Variants in CD47 observed in about 807,000 individuals in gnomAD.
The protein encoded by CD47 is leukocyte surface antigen CD47.
Under a neutral mutation model 44.6 loss-of-function variants are expected in CD47, and 11 were observed. The ratio of observed to expected loss-of-function variants is 0.25; its 90% CI spans 0.16 to 0.41. The LOEUF (loss-of-function observed/expected upper bound fraction) is 0.41, where lower values mean the gene tolerates loss of function less well. CD47 is among the 10% of genes least tolerant of loss of function. CD47 has a pLI of 1.00. For missense variants in CD47, 306 were observed against 386.7 expected (o/e 0.79, Z 1.75); for synonymous variants, 140 against 136.3 (o/e 1.03, Z -0.19).
chr3:108,064,705 T>C (rs571194861), intron 3 of CD47, among the ~76,000 whole-genome samples: 11 of 152,254 alleles, frequency 7.2e-5, no homozygotes, highest in Non-Finnish European at 1.2e-4. Flanking sequence ...TTTGGAGTGA[T>C]TGGTAAGTAA....
At chr3:108,078,073 T>C (rs915048962) in intron 2 of CD47, among the ~76,000 whole-genome samples, 4 of 152,008 alleles carry the variant, frequency 2.6e-5, no homozygotes, top group Admixed American at 2.6e-4. Flanking sequence ...TCATATTGTG[T>C]CACATAAGAG....
intron 3 of CD47, among the ~76,000 whole-genome samples, chr3:108,062,505 A>G (rs2079031582): frequency 6.6e-6 from 1 of 152,218 alleles, no homozygotes; most frequent in Admixed American, 6.5e-5. Context: ...AAACATTCAT[A>G]AGAAACTCTT....
intron 3 of CD47, among the ~76,000 whole-genome samples, chr3:108,062,170 T>A (rs116318844): frequency 6.6e-6 from 1 of 152,160 alleles, no homozygotes; most frequent in Non-Finnish European, 1.5e-5. Context: ...TCAGAAAACA[T>A]CCTATGGCAA....
At chr3:108,072,217 T>C (rs1329989352) in intron 2 of CD47, among the ~76,000 whole-genome samples, 2 of 152,220 alleles carry the variant, frequency 1.3e-5, no homozygotes, top group Non-Finnish European at 2.9e-5. Flanking sequence ...GGCTGTGTGA[T>C]TGGAAGAGTT....
chr3:108,048,410 A>G, intron 10 of CD47, among the ~76,000 whole-genome samples: 1 of 99,890 alleles, frequency 1.0e-5, no homozygotes. Context: ...CTTGAGACGG[A>G]GTCTTGCTCT....
At position 108,080,144 on chromosome 3, in the gene CD47, T is replaced by C; in HGVS notation, c.247A>G (p.Ser83Gly). The change falls in exon 2 of 11, where the codon AGT (serine) becomes GGT (glycine). Residue 83 changes from serine to glycine, a missense_variant. Physicochemically the swap from Ser to Gly is moderately conservative, Grantham distance 56 (BLOSUM62 0). Coordinates refer to ENST00000361309, the MANE Select transcript of CD47 (RefSeq NM_001777.4). ...AATTGTGAGACTTCAATTTTTGCAC[T>C]ACTAAAGTCAGTGGGGACAGTGGAC... ...NKSTVPTDFS[S>G]AKIEVSQLLK... 6.2e-7 allele frequency: 1 copy of C among 1,613,096 alleles called. No individual in the cohort carries two copies.
chr3:108,049,730 A>G lies in CD47; in HGVS notation c.935-79T>C, dbSNP rs143758748. 1.4e-3 allele frequency: 1,326 copies of G among 945,120 alleles called. 16 individuals are homozygous for G. The African/African-American group carries it at 0.019, about 14-fold the overall frequency. 58.5% of individuals were successfully genotyped at this position (945,120 alleles called of 1,614,324 possible). A position where few individuals can be genotyped will look rare whatever the true frequency, so the allele number is the denominator to read the frequency against. Reference sequence around the variant, plus strand: ...TCATTTCTAAATAAACAAATATGCAATGATATGCTAACTAGTCTACAACTC... The same window carrying G: ...TCATTTCTAAATAAACAAATATGCAGTGATATGCTAACTAGTCTACAACTC... On this transcript the variant is annotated intron_variant, in intron 9 of 10. Transcript: ENST00000361309.
intron 2 of CD47, among the ~76,000 whole-genome samples, chr3:108,074,713 G>A (rs1040791569): frequency 4.9e-4 from 3 of 6,090 alleles, no homozygotes; most frequent in Non-Finnish European, 2.7e-3. Context: ...GGGGCGGGTG[G>A]GGGGGGGGGG....
chr3:108,087,289 C>T (rs1203089112), intron 1 of CD47, among the ~76,000 whole-genome samples: 1 of 152,084 alleles, frequency 6.6e-6, no homozygotes, highest in East Asian at 1.9e-4. Context: ...AAATAAAGGT[C>T]TGGGGTAGAG....
Position 108,085,921 on chromosome 3 carries a change from G to A in CD47, c.46+4942C>T, listed in dbSNP as rs147436956. Among the ~76,000 whole-genome samples the A allele has an allele frequency of 3.1e-4, 47 of 152,172 alleles. No homozygotes were observed. In the East Asian group the frequency reaches 7.1e-3, roughly 23 times the overall value. On this transcript the variant is annotated intron_variant, in intron 1 of 10. Transcript: ENST00000361309. Reference sequence around the variant, plus strand: ...AATCATGAAGCTGCATATTTTCATGGAAAATCTCAAGTCACTTGTATGGTT... The same window carrying A: ...AATCATGAAGCTGCATATTTTCATGAAAAATCTCAAGTCACTTGTATGGTT...
chr3:108,067,207 CAG>C (rs1336379590), intron 3 of CD47, among the ~76,000 whole-genome samples: 1 of 152,146 alleles, frequency 6.6e-6, no homozygotes, highest in East Asian at 1.9e-4. Context: ...TTGATAATAA[CAG>C]AGTTTTTAAG....
Position 108,080,389 on chromosome 3 carries a change from T to C in CD47, c.47-45A>G, listed in dbSNP as rs768110560. The C allele has an allele frequency of 2.3e-5, 22 of 972,954 alleles. No homozygotes were observed. In the Admixed American group the frequency reaches 3.7e-4, roughly 16 times the overall value. 60.3% of individuals were successfully genotyped at this position (972,954 alleles called of 1,614,324 possible). On this transcript the variant is annotated intron_variant, in intron 1 of 10. Coordinates refer to ENST00000361309, the MANE Select transcript of CD47 (RefSeq NM_001777.4). ...ATGTTTCATTAATTATAGAAGTCTGTACTGTAAGATCTTAGGCATGTTACA... is the reference window on the plus strand; with the variant it reads ...ATGTTTCATTAATTATAGAAGTCTGCACTGTAAGATCTTAGGCATGTTACA...
intron 2 of CD47, among the ~76,000 whole-genome samples, chr3:108,075,991 A>C (rs1290363989): frequency 6.6e-6 from 1 of 152,232 alleles, no homozygotes; most frequent in Non-Finnish European, 1.5e-5. Context: ...GCAAAGAAAC[A>C]GGGACCCCAG....
At chr3:108,082,393 T>C (rs2079436484) in intron 1 of CD47, among the ~76,000 whole-genome samples, 1 of 152,044 alleles carries the variant, frequency 6.6e-6, no homozygotes, top group African/African-American at 2.4e-5. Context: ...AAGACTACAT[T>C]TTACTGCCCT....
intron 3 of CD47, among the ~76,000 whole-genome samples, chr3:108,069,372 T>A (rs1047949006): frequency 6.6e-6 from 1 of 151,884 alleles, no homozygotes; most frequent in Non-Finnish European, 1.5e-5. Flanking sequence ...TACAAGCATA[T>A]AAGCTGTACG....
intron 9 of CD47, 98 bp downstream of exon 9, chr3:108,050,480 T>C (rs772385010): frequency 7.8e-5 from 53 of 676,314 alleles, no homozygotes; most frequent in Middle Eastern, 2.6e-4. Context: ...GAAAAAAACC[T>C]AGATTCTTCC....
At position 108,047,245 on chromosome 3, in the gene CD47, C is replaced by T. The variant is rs375978167; in HGVS notation, c.*43G>A. 1.6e-5 allele frequency: 25 copies of T among 1,566,366 alleles called. No individual in the cohort carries two copies. The African/African-American group carries it at 1.6e-4, about 10-fold the overall frequency. ...CTTAAACACAAGTGTATTCCTTTCA[C>T]GTCTTACTACTCTCCAAATCGGAGT... On this transcript the variant is annotated 3_prime_UTR_variant, in exon 11 of 11. Coordinates refer to ENST00000361309, the MANE Select transcript of CD47 (RefSeq NM_001777.4).
At chr3:108,074,498 G>C (rs1403840087) in intron 2 of CD47, among the ~76,000 whole-genome samples, 1 of 151,988 alleles carries the variant, frequency 6.6e-6, no homozygotes, top group African/African-American at 2.4e-5. Context: ...AATTTTGGTA[G>C]AGACAGGGTT....
chr3:108,054,376 GT>G (rs2078879346), intron 7 of CD47: 1 of 152,178 alleles, frequency 6.6e-6, no homozygotes, highest in Non-Finnish European at 1.5e-5. Context: ...ATGAAGAATG[GT>G]ACTTCAAAGG....
Sources: allele counts gnomAD v4.1 joint callset (sites outside exome capture counted in the v4.1 genomes callset), GRCh38; gene constraint gnomAD v4.1.1; transcripts MANE v1.5; gene names NCBI Gene and HGNC (gene_info 2026-07-23, HGNC 2026-07-21).